The following ZCCHC7 variants were observed in gnomAD, a reference collection of about 807,000 sequenced individuals.
ZCCHC7 encodes zinc finger CCHC domain-containing protein 7.
In ZCCHC7, 35 loss-of-function variants were observed where a neutral mutation model predicts 52.0. The ratio of observed to expected loss-of-function variants is 0.67; its 90% CI spans 0.51 to 0.89. The LOEUF is 0.89. ZCCHC7 is among the 40% of genes least tolerant of loss of function. ZCCHC7 has a pLI of 0.00. For synonymous variants in ZCCHC7, 217 were observed against 221.5 expected (o/e 0.98, Z 0.18); for missense variants, 574 against 649.1 (o/e 0.88, Z 1.26).
At chr9:37,136,726 T>C (rs2132744852) in intron 2 of ZCCHC7, among the ~76,000 whole-genome samples, 1 of 152,342 alleles carries the variant, frequency 6.6e-6, no homozygotes, top group South Asian at 2.1e-4. Context: ...GCTGCCCACC[T>C]CAGCCTCCCA....
At chr9:37,219,121 A>G (rs562872238) in intron 2 of ZCCHC7, among the ~76,000 whole-genome samples, 47 of 152,308 alleles carry the variant, frequency 3.1e-4, no homozygotes, top group African/African-American at 1.1e-3. Flanking sequence ...TGTTCTTTAA[A>G]AATGAAAACT....
chr9:37,297,874 G>A (rs764368243), intron 2 of ZCCHC7, among the ~76,000 whole-genome samples: 22 of 152,294 alleles, frequency 1.4e-4, no homozygotes, highest in Middle Eastern at 3.4e-3. Context: ...TTCTAACACA[G>A]CCAAATGTAA....
chr9:37,122,891 T>C (rs376974124), intron 1 of ZCCHC7, among the ~76,000 whole-genome samples: 2 of 152,320 alleles, frequency 1.3e-5, no homozygotes, highest in South Asian at 4.1e-4. Flanking sequence ...GAGCCGAGAT[T>C]GCGCCACTGC....
At chr9:37,266,367 T>C (rs533184561) in intron 2 of ZCCHC7, among the ~76,000 whole-genome samples, 2 of 152,160 alleles carry the variant, frequency 1.3e-5, no homozygotes, top group Non-Finnish European at 2.9e-5. Flanking sequence ...CAACTGTAAA[T>C]TTATTTGTTT....
At chr9:37,174,994 G>A (rs144434902) in intron 2 of ZCCHC7, among the ~76,000 whole-genome samples, 7 of 152,080 alleles carry the variant, frequency 4.6e-5, no homozygotes, top group East Asian at 1.9e-4. Flanking sequence ...AAAATTAGCC[G>A]GGCATGGTGG....
intron 4 of ZCCHC7, 124 bp from the exon 5 acceptor site, chr9:37,305,420 A>G: frequency 1.7e-6 from 2 of 1,171,700 alleles, no homozygotes; most frequent in Non-Finnish European, 1.2e-6. Context: ...AGTTGTGCTC[A>G]GGATTCTACC....
chr9:37,330,112 G>A (rs928149118), intron 6 of ZCCHC7, among the ~76,000 whole-genome samples: 20 of 151,564 alleles, frequency 1.3e-4, no homozygotes, highest in Non-Finnish European at 2.2e-4. Flanking sequence ...TCCAGGAGTC[G>A]TTTTCTTTAA....
chr9:37,268,883 T>A (rs1827248918), intron 2 of ZCCHC7, among the ~76,000 whole-genome samples: 1 of 152,212 alleles, frequency 6.6e-6, no homozygotes, highest in Admixed American at 6.5e-5. Context: ...CTGTATGCTA[T>A]GTTAGGGATA....
chr9:37,242,489 G>A (rs1238782217), intron 2 of ZCCHC7, among the ~76,000 whole-genome samples: 7 of 151,764 alleles, frequency 4.6e-5, no homozygotes, highest in Non-Finnish European at 8.9e-5. Flanking sequence ...GTATGCTTAT[G>A]CCATCTTGTC....
At chr9:37,173,549 G>A (rs915741984) in intron 2 of ZCCHC7, among the ~76,000 whole-genome samples, 4 of 152,172 alleles carry the variant, frequency 2.6e-5, no homozygotes, top group African/African-American at 9.7e-5. Context: ...GTTAGATTCT[G>A]CATTTCAGAA....
intron 4 of ZCCHC7, 143 bp from the exon 5 acceptor site, chr9:37,305,401 G>T (rs1192890469): frequency 3.9e-6 from 4 of 1,023,746 alleles, no homozygotes; most frequent in Non-Finnish European, 5.6e-6. Flanking sequence ...CATTTTGTTT[G>T]ATTTTTACAG....
chr9:37,287,684 C>T (rs1274347595), intron 2 of ZCCHC7, among the ~76,000 whole-genome samples: 2 of 152,054 alleles, frequency 1.3e-5, no homozygotes, highest in Non-Finnish European at 2.9e-5. Context: ...TGTTTTTACA[C>T]ACAAAAAAGT....
chr9:37,263,075 A>G (rs1263571716), intron 2 of ZCCHC7, among the ~76,000 whole-genome samples: 1 of 152,200 alleles, frequency 6.6e-6, no homozygotes, highest in Non-Finnish European at 1.5e-5. Flanking sequence ...TTCATGTTGT[A>G]CATGAGTTTA....
intron 2 of ZCCHC7, among the ~76,000 whole-genome samples, chr9:37,215,157 G>T (rs2133232531): frequency 6.6e-6 from 1 of 152,188 alleles, no homozygotes; most frequent in South Asian, 2.1e-4. Context: ...CTTTGACTGT[G>T]TTAAAGAGTG....
chr9:37,130,250 A>G (rs979639975), intron 2 of ZCCHC7, among the ~76,000 whole-genome samples: 1 of 151,268 alleles, frequency 6.6e-6, no homozygotes, highest in Non-Finnish European at 1.5e-5. Context: ...AAAAAAAAAA[A>G]AAGATAAGTT....
chr9:37,175,133 A>G (rs923929038), intron 2 of ZCCHC7, among the ~76,000 whole-genome samples: 1 of 152,058 alleles, frequency 6.6e-6, no homozygotes, highest in African/African-American at 2.4e-5. Flanking sequence ...AAAAAAAGGA[A>G]TATTTGATCC....
chr9:37,144,215 GTAC>G (rs1357864242), intron 2 of ZCCHC7, among the ~76,000 whole-genome samples: 1 of 151,808 alleles, frequency 6.6e-6, no homozygotes, highest in East Asian at 1.9e-4. Flanking sequence ...TAATTTAAAA[GTAC>G]TAATACAAGA....
chr9:37,240,806 G>T (rs1377785036), intron 2 of ZCCHC7, among the ~76,000 whole-genome samples: 1 of 151,566 alleles, frequency 6.6e-6, no homozygotes, highest in South Asian at 2.1e-4. Flanking sequence ...TAGCTAAAAG[G>T]CCATCATTTT....
intron 2 of ZCCHC7, among the ~76,000 whole-genome samples, chr9:37,127,292 G>A (rs1448020969): frequency 6.6e-6 from 1 of 152,048 alleles, no homozygotes; most frequent in East Asian, 1.9e-4. Flanking sequence ...TCTGGCATTA[G>A]CCCTGTGCAC....
Sources: gnomAD v4.1 joint callset for allele counts (sites outside exome capture counted in the v4.1 genomes callset) on GRCh38, gnomAD v4.1.1 for gene constraint, MANE v1.5 for transcripts, NCBI Gene and HGNC (gene_info 2026-07-23, HGNC 2026-07-21) for gene names.